The following CSMD3 variants were observed in gnomAD, a reference collection of about 807,000 sequenced individuals.
CSMD3 encodes CUB and Sushi multiple domains 3.
In CSMD3, 177 loss-of-function variants were observed where a neutral mutation model predicts 435.2. The ratio of observed to expected loss-of-function variants is 0.41; its 90% confidence interval spans 0.36 to 0.46. The LOEUF is 0.46. Among genes scored for constraint, CSMD3 ranks in the 20% least tolerant of loss-of-function variants. The probability of loss-of-function intolerance (pLI) is 0.34; values close to 1 mark genes in which losing one functional copy is unlikely to be tolerated. For missense variants in CSMD3, 4,265 were observed against 4,504.6 expected (o/e 0.95, Z 1.52); for synonymous variants, 1,656 against 1,520.5 (o/e 1.09, Z -2.07).
At chr8:113,298,963 T>C (rs927678766) in intron 2 of CSMD3, among the ~76,000 whole-genome samples, 2 of 152,184 alleles carry the variant, frequency 1.3e-5, no homozygotes, top group African/African-American at 4.8e-5. Context: ...CACTGAATAT[T>C]TTCTTATTGA....
At chr8:112,367,782 T>C (rs770988864) in intron 38 of CSMD3, among the ~76,000 whole-genome samples, 8 of 152,128 alleles carry the variant, frequency 5.3e-5, no homozygotes, top group Non-Finnish European at 1.2e-4. Context: ...ACTCTAAAAA[T>C]CCAAGTCCTT....
chr8:113,242,296 G>A (rs145771441), intron 3 of CSMD3, among the ~76,000 whole-genome samples: 1 of 151,782 alleles, frequency 6.6e-6, no homozygotes, highest in African/African-American at 2.4e-5. Flanking sequence ...ACAATAAAGA[G>A]GAGCTTTTTT....
chr8:112,835,025 T>C (rs773820429), intron 11 of CSMD3, among the ~76,000 whole-genome samples: 20 of 151,918 alleles, frequency 1.3e-4, no homozygotes, highest in Non-Finnish European at 2.5e-4. Context: ...CATTGTGAAA[T>C]GGTAATTCCA....
intron 11 of CSMD3, among the ~76,000 whole-genome samples, chr8:112,852,923 A>AAAAT (rs61627658): frequency 1.3e-5 from 2 of 150,530 alleles, no homozygotes; most frequent in Non-Finnish European, 1.5e-5. Context: ...CTCCACCTCA[A>AAAAT]AAATAAATAA....
chr8:112,237,335 T>C lies in CSMD3; in HGVS notation c.10482A>G (p.Val3494=). ...PSPKLSVPDD[V]FAQNYIWKGS... ...CTTTCCATATATAATTTTGGGCAAA[T>C]ACATCATCAGGAACTGTGAATAGAT... The change falls in exon 67 of 71, where the codon GTA becomes GTG. Residue 3494 remains valine (V), a synonymous_variant. Coordinates refer to ENST00000297405, the MANE Select transcript of CSMD3 (RefSeq NM_198123.2). The C allele has an allele frequency of 1.2e-6, 2 of 1,609,748 alleles. No homozygotes were observed. The highest frequency in any genetic ancestry group is 2.2e-5 in the East Asian group (1 of 44,760).
At chr8:112,253,967 T>C (rs1386630734) in intron 63 of CSMD3, among the ~76,000 whole-genome samples, 4 of 152,064 alleles carry the variant, frequency 2.6e-5, no homozygotes, top group Non-Finnish European at 4.4e-5. Flanking sequence ...ACTCTTACTG[T>C]CTTATATATA....
At chr8:112,864,180 T>A (rs2080908828) in intron 10 of CSMD3, among the ~76,000 whole-genome samples, 1 of 152,288 alleles carries the variant, frequency 6.6e-6, no homozygotes, top group Admixed American at 6.5e-5. Flanking sequence ...TCCTATATTT[T>A]GGTTTTAAAA....
intron 5 of CSMD3, among the ~76,000 whole-genome samples, chr8:113,065,780 T>C (rs2088829224): frequency 6.6e-6 from 1 of 152,176 alleles, no homozygotes; most frequent in African/African-American, 2.4e-5. Flanking sequence ...GTTATGGGCA[T>C]CACAGCATTA....
chr8:112,820,432 T>C (rs1171007816), intron 12 of CSMD3, among the ~76,000 whole-genome samples: 2 of 152,052 alleles, frequency 1.3e-5, no homozygotes, highest in African/African-American at 4.8e-5. Context: ...TGCCCTCTTT[T>C]TGAGTTTCAC....
At chr8:112,262,288 G>A (rs1816491645) in intron 61 of CSMD3, among the ~76,000 whole-genome samples, 2 of 152,102 alleles carry the variant, frequency 1.3e-5, no homozygotes, top group South Asian at 2.1e-4. Flanking sequence ...ATGGTTCTGT[G>A]TTCTCCATAA....
intron 24 of CSMD3, among the ~76,000 whole-genome samples, chr8:112,563,911 T>G (rs779085498): frequency 8.6e-5 from 13 of 152,014 alleles, no homozygotes; most frequent in Non-Finnish European, 1.6e-4. Context: ...GTAACAAGGT[T>G]TGAGGAAGGC....
rs561236075 is a variant in CSMD3, at chr8:113,100,723, T to A, written c.710-1760A>T. 2.6e-4 allele frequency among the ~76,000 whole-genome samples: 39 copies of A among 152,274 alleles called. No homozygotes were observed. In the South Asian group the frequency reaches 7.9e-3, roughly 31 times the overall value. ...GTAGCCATTCCACAATGAACACATA[T>A]TTCAAAACGTCATTTGTACATGATA... On this transcript the variant is annotated intron_variant, in intron 4 of 70. Coordinates refer to ENST00000297405, the MANE Select transcript of CSMD3 (RefSeq NM_198123.2).
chr8:113,185,112 G>A (rs2092479552), intron 3 of CSMD3, among the ~76,000 whole-genome samples: 1 of 151,988 alleles, frequency 6.6e-6, no homozygotes, highest in Admixed American at 6.6e-5. Flanking sequence ...TTAACACCAG[G>A]CAATATAGGC....
chr8:113,214,297 A>C (rs1588289519), intron 3 of CSMD3, among the ~76,000 whole-genome samples: 1 of 151,880 alleles, frequency 6.6e-6, no homozygotes, highest in Admixed American at 6.6e-5. Context: ...CCTGTCTTCC[A>C]TGTGTGTTTA....
At chr8:112,260,873 G>A (rs912535525) in intron 61 of CSMD3, among the ~76,000 whole-genome samples, 2 of 152,040 alleles carry the variant, frequency 1.3e-5, no homozygotes, top group Non-Finnish European at 2.9e-5. Context: ...CTATTTGGGT[G>A]ATAGTTACAC....
At chr8:113,434,983 G>T (rs1436886499) in intron 1 of CSMD3, among the ~76,000 whole-genome samples, 1 of 152,070 alleles carries the variant, frequency 6.6e-6, no homozygotes, top group Non-Finnish European at 1.5e-5. Flanking sequence ...ACATTTTTCT[G>T]CCAGGGCTGC....
chr8:112,390,188 T>G (rs1830296864), intron 36 of CSMD3, among the ~76,000 whole-genome samples: 1 of 152,344 alleles, frequency 6.6e-6, no homozygotes, highest in African/African-American at 2.4e-5. Context: ...GCAGGTTTCC[T>G]GAAAAGTTTT....
chr8:113,315,254 A>G (rs2132674479), intron 1 of CSMD3, among the ~76,000 whole-genome samples: 1 of 152,268 alleles, frequency 6.6e-6, no homozygotes, highest in East Asian at 1.9e-4. Flanking sequence ...ACATATTCAG[A>G]TCTCTACCCT....
intron 28 of CSMD3, among the ~76,000 whole-genome samples, chr8:112,513,890 C>T (rs1286873136): frequency 6.6e-6 from 1 of 151,904 alleles, no homozygotes; most frequent in Non-Finnish European, 1.5e-5. Context: ...TTAGAAGGAA[C>T]ATTGGTCTTT....
Sources: allele counts gnomAD v4.1 joint callset (sites outside exome capture counted in the v4.1 genomes callset), GRCh38; gene constraint gnomAD v4.1.1; transcripts MANE v1.5; gene names NCBI Gene and HGNC (gene_info 2026-07-23, HGNC 2026-07-21).